Variants in TENM2 observed in about 807,000 individuals in gnomAD.
The protein encoded by TENM2 is teneurin transmembrane protein 2.
In TENM2, 52 loss-of-function variants were observed where a neutral mutation model predicts 245.2. The observed-to-expected ratio is 0.21, with a 90% CI of 0.17 to 0.27. The LOEUF is 0.27. TENM2 is among the 10% of genes least tolerant of loss of function. TENM2 has a pLI of 1.00. For missense variants in TENM2, 3,046 were observed against 3,666.8 expected, an observed-to-expected ratio of 0.83 and a Z score of 4.37; for synonymous variants, 1,363 against 1,438.9, an observed-to-expected ratio of 0.95 and a Z score of 1.19.
chr5:167,350,541 A>G (rs1435646116), intron 1 of TENM2, among the ~76,000 whole-genome samples: 1 of 139,938 alleles, frequency 7.1e-6, no homozygotes, highest in Non-Finnish European at 1.6e-5. Flanking sequence ...GAATATATAG[A>G]CAACCTATCC....
At chr5:167,270,598 G>T in the TENM2 span, among the ~76,000 whole-genome samples, 2 of 152,072 alleles carry the variant, frequency 1.3e-5, no homozygotes, top group Non-Finnish European at 2.9e-5. Flanking sequence ...TTGATTGGAT[G>T]GTGCCCTTAC....
At chr5:167,464,753 G>C (rs1012249922) in intron 2 of TENM2, among the ~76,000 whole-genome samples, 1 of 152,132 alleles carries the variant, frequency 6.6e-6, no homozygotes, top group African/African-American at 2.4e-5. Flanking sequence ...GGAGATTATG[G>C]TAAATTTCTA....
At chr5:167,592,039 A>C (rs1053557963) in intron 2 of TENM2, among the ~76,000 whole-genome samples, 1 of 152,228 alleles carries the variant, frequency 6.6e-6, no homozygotes, top group African/African-American at 2.4e-5. Context: ...TCCATGCCAC[A>C]GTATACACCA....
chr5:167,817,976 G>A (rs916460623), intron 2 of TENM2, among the ~76,000 whole-genome samples: 6 of 152,112 alleles, frequency 3.9e-5, no homozygotes, highest in African/African-American at 7.2e-5. Context: ...CTTGGGAGAC[G>A]GGATGTATAG....
intron 1 of TENM2, among the ~76,000 whole-genome samples, chr5:167,374,028 T>C (rs2127307056): frequency 6.6e-6 from 1 of 152,310 alleles, no homozygotes; most frequent in Non-Finnish European, 1.5e-5. Flanking sequence ...TGGCTTTAAA[T>C]TGTGTTAGCA....
At chr5:167,558,738 G>T (rs1029714181) in intron 2 of TENM2, among the ~76,000 whole-genome samples, 1 of 152,076 alleles carries the variant, frequency 6.6e-6, no homozygotes, top group African/African-American at 2.4e-5. Flanking sequence ...AATAATAATA[G>T]AAATAAAGTG....
chr5:167,391,538 C>A (rs998837750), intron 2 of TENM2, among the ~76,000 whole-genome samples: 1 of 147,798 alleles, frequency 6.8e-6, no homozygotes, highest in East Asian at 2.0e-4. Context: ...GGCAGGAGAA[C>A]TGCTTGAACC....
At chr5:167,101,849 T>TTATATATATATATTTATATATATA in the TENM2 span, among the ~76,000 whole-genome samples, 35 of 69,424 alleles carry the variant, frequency 5.0e-4, no homozygotes, top group African/African-American at 1.9e-3. Context: ...ATATATATAT[T>TTATATATATATATTTATATATATA]TATATATATA....
chr5:167,399,713 A>C (rs978246274), intron 2 of TENM2, among the ~76,000 whole-genome samples: 2 of 152,180 alleles, frequency 1.3e-5, no homozygotes, highest in African/African-American at 2.4e-5. Flanking sequence ...GAACCAAGTC[A>C]TGACTTTATT....
At chr5:167,751,729 G>T (rs1281145461) in intron 2 of TENM2, among the ~76,000 whole-genome samples, 3 of 151,402 alleles carry the variant, frequency 2.0e-5, no homozygotes, top group Admixed American at 1.3e-4. Context: ...CACTGTTTTG[G>T]TTTTTTTTAA....
chr5:168,084,233 C>T (rs1162987280), intron 7 of TENM2, among the ~76,000 whole-genome samples: 2 of 152,164 alleles, frequency 1.3e-5, no homozygotes, highest in Non-Finnish European at 2.9e-5. Context: ...GTGCATGTGT[C>T]ATTTTGGTAG....
intron 25 of TENM2, among the ~76,000 whole-genome samples, chr5:168,233,150 A>C (rs1055718881): frequency 1.3e-5 from 2 of 152,020 alleles, no homozygotes; most frequent in Admixed American, 6.6e-5. Flanking sequence ...AAATGGTGAA[A>C]CCCCATCTCT....
At chr5:168,231,256 G>A (rs904326227) in intron 25 of TENM2, among the ~76,000 whole-genome samples, 1 of 152,226 alleles carries the variant, frequency 6.6e-6, no homozygotes, top group Non-Finnish European at 1.5e-5. Context: ...GCACGTAGCA[G>A]AGTGATCAGG....
chr5:167,485,128 A>G (rs1281030758), intron 2 of TENM2, among the ~76,000 whole-genome samples: 2 of 152,176 alleles, frequency 1.3e-5, no homozygotes, highest in Non-Finnish European at 2.9e-5. Flanking sequence ...GAAGTAGACT[A>G]GAGGATTATA....
intron 2 of TENM2, among the ~76,000 whole-genome samples, chr5:167,619,066 G>A (rs1258686131): frequency 1.3e-5 from 2 of 152,046 alleles, no homozygotes; most frequent in Non-Finnish European, 2.9e-5. Flanking sequence ...ACATAGCCAC[G>A]TGGAAACACT....
chr5:168,182,467 T>C (rs1759997202), intron 13 of TENM2, among the ~76,000 whole-genome samples: 1 of 152,146 alleles, frequency 6.6e-6, no homozygotes. Flanking sequence ...TTAAGTCCAT[T>C]CTATAGATTG....
intron 2 of TENM2, among the ~76,000 whole-genome samples, chr5:167,671,251 A>G (rs2150351107): frequency 6.6e-6 from 1 of 152,270 alleles, no homozygotes; most frequent in East Asian, 1.9e-4. Flanking sequence ...CTGTTGTATA[A>G]TAGCCCTGAC....
intron 2 of TENM2, among the ~76,000 whole-genome samples, chr5:167,498,883 GA>G (rs1216179264): frequency 6.6e-6 from 1 of 152,026 alleles, no homozygotes; most frequent in Admixed American, 6.6e-5. Flanking sequence ...CTGTATAGGG[GA>G]ATTATCTTAT....
intron 2 of TENM2, among the ~76,000 whole-genome samples, chr5:167,640,894 T>TCC (rs1319130853): frequency 1.8e-5 from 2 of 108,406 alleles, no homozygotes; most frequent in Non-Finnish European, 3.8e-5. Context: ...TATATATATA[T>TCC]ATATATATAT....
Sources: gnomAD v4.1 joint callset for allele counts (sites outside exome capture counted in the v4.1 genomes callset) on GRCh38, gnomAD v4.1.1 for gene constraint, MANE v1.5 for transcripts, NCBI Gene and HGNC (gene_info 2026-07-23, HGNC 2026-07-21) for gene names.